Variants in HMCN1 observed in about 807,000 individuals in gnomAD.
HMCN1 encodes hemicentin 1, also known as hemicentin-1.
In HMCN1, 321 loss-of-function variants were observed where a neutral mutation model predicts 625.9. The ratio of observed to expected loss-of-function variants is 0.51; its 90% CI spans 0.47 to 0.56. The LOEUF is 0.56. Among genes scored for constraint, HMCN1 ranks in the 20% least tolerant of loss-of-function variants. HMCN1 has a pLI of 0.00. For synonymous variants in HMCN1, 2,425 were observed against 2,417.6 expected, an observed-to-expected ratio of 1.00 and a Z score of -0.09; for missense variants, 6,588 against 6,887.3, an observed-to-expected ratio of 0.96 and a Z score of 1.54.
chr1:186,041,067 G>A lies in HMCN1; in HGVS notation c.6235G>A (p.Gly2079Arg), dbSNP rs1571763590. The A allele has an allele frequency of 6.2e-7, 1 of 1,613,062 alleles. No individual in the cohort carries two copies. Among genetic ancestry groups the A allele is most frequent in the South Asian group, 1.1e-5 (1 of 91,066 alleles). The change falls in exon 40 of 107, where the codon GGA (glycine) becomes AGA (arginine). Residue 2079 changes from glycine (G) to arginine (R), a missense_variant. Coordinates refer to ENST00000271588, the MANE Select transcript of HMCN1 (RefSeq NM_031935.3). Reference protein sequence around the residue: ...ALTSAQISDTGRYTCVAVNAA... With the variant: ...ALTSAQISDTRRYTCVAVNAA... Reference sequence around the variant, plus strand: ...GACCAGTGCACAAATCAGCGACACAGGAAGGTACACCTGCGTGGCAGTGAA... The same window carrying A: ...GACCAGTGCACAAATCAGCGACACAAGAAGGTACACCTGCGTGGCAGTGAA...
intron 89 of HMCN1, among the ~76,000 whole-genome samples, chr1:186,138,295 G>T (rs995306719): frequency 2.8e-4 from 42 of 152,146 alleles, no homozygotes; most frequent in African/African-American, 9.9e-4. Flanking sequence ...CCATTTCGAG[G>T]TGAGAAAAAT....
At chr1:185,929,434 T>G (rs573784608) in intron 10 of HMCN1, among the ~76,000 whole-genome samples, 3 of 152,312 alleles carry the variant, frequency 2.0e-5, no homozygotes, top group Admixed American at 6.5e-5. Context: ...CTACCATTTA[T>G]AATCAATGAT....
intron 1 of HMCN1, among the ~76,000 whole-genome samples, chr1:185,740,703 A>T (rs1571287559): frequency 7.7e-5 from 2 of 25,946 alleles, no homozygotes; most frequent in African/African-American, 1.5e-4. Flanking sequence ...GGGTAGGGGG[A>T]TGGGGTGGCG....
chr1:186,024,349 C>T (rs1654921606), intron 36 of HMCN1, among the ~76,000 whole-genome samples: 1 of 152,178 alleles, frequency 6.6e-6, no homozygotes, highest in Admixed American at 6.5e-5. Flanking sequence ...CTGTCTCCAG[C>T]ATCTGCTTAG....
intron 2 of HMCN1, among the ~76,000 whole-genome samples, chr1:185,846,496 G>T (rs1400516973): frequency 6.6e-6 from 1 of 152,138 alleles, no homozygotes; most frequent in East Asian, 1.9e-4. Flanking sequence ...GATATTCTAT[G>T]CTGCTATAAG....
chr1:185,982,177 T>C lies in HMCN1; in HGVS notation c.2663-85T>C, dbSNP rs1033015071. On this transcript the variant is annotated intron_variant, in intron 17 of 106. Transcript: ENST00000271588. The stretch of plus-strand genomic sequence containing the variant: ...AAAACTCAAACTTTTATAGCATAAC[T>C]AACAGTCTTTGGGGCCTGTGAAGTG... 17 of 1,306,344 alleles carry C rather than the reference T, an allele frequency of 1.3e-5. No homozygotes were observed. In the African/African-American group the frequency reaches 2.2e-4, roughly 17 times the overall value. 80.9% of individuals were successfully genotyped at this position (1,306,344 alleles called of 1,614,324 possible).
At chr1:185,838,099 G>A (rs1207271050) in intron 1 of HMCN1, among the ~76,000 whole-genome samples, 1 of 152,096 alleles carries the variant, frequency 6.6e-6, no homozygotes, top group East Asian at 1.9e-4. Flanking sequence ...GCATCAGAAG[G>A]TTCTTCCTCA....
chr1:185,870,569 T>C (rs1663549193), intron 4 of HMCN1, among the ~76,000 whole-genome samples: 1 of 152,120 alleles, frequency 6.6e-6, no homozygotes, highest in African/African-American at 2.4e-5. Context: ...ATTTTTTAAA[T>C]TTTTGTGGGT....
chr1:185,899,399 G>A (rs538341125), intron 4 of HMCN1, among the ~76,000 whole-genome samples: 1 of 152,218 alleles, frequency 6.6e-6, no homozygotes, highest in East Asian at 1.9e-4. Context: ...AAATGCCATA[G>A]ACTCTTGTCA....
intron 36 of HMCN1, among the ~76,000 whole-genome samples, chr1:186,033,223 A>G (rs116713590): frequency 2.6e-5 from 4 of 152,190 alleles, no homozygotes; most frequent in African/African-American, 9.6e-5. Context: ...CATGTTCTCA[A>G]TTTTAAGTAG....
At chr1:185,834,433 G>A (rs1274581693) in intron 1 of HMCN1, among the ~76,000 whole-genome samples, 1 of 152,148 alleles carries the variant, frequency 6.6e-6, no homozygotes, top group East Asian at 1.9e-4. Flanking sequence ...AGTTCCTCTT[G>A]AGCTATTGGA....
At chr1:186,096,813 C>A (rs181039263) in intron 68 of HMCN1, among the ~76,000 whole-genome samples, 1 of 151,896 alleles carries the variant, frequency 6.6e-6, no homozygotes, top group Non-Finnish European at 1.5e-5. Context: ...TCAATAGATG[C>A]GAAAAAAGCA....
At chr1:185,825,392 A>G (rs570418400) in intron 1 of HMCN1, among the ~76,000 whole-genome samples, 1 of 152,296 alleles carries the variant, frequency 6.6e-6, no homozygotes, top group East Asian at 1.9e-4. Context: ...GAAAGAAGGA[A>G]TGATTTGTGC....
At position 185,963,754 on chromosome 1, in the gene HMCN1, T is replaced by G. The variant is rs1650198289; in HGVS notation, c.1971-14T>G. ...CATTTTCAATTTTATATTCTTTTTGTTTTTTATTCATAGGTATAGGATGAC... is the reference window on the plus strand; with the variant it reads ...CATTTTCAATTTTATATTCTTTTTGGTTTTTATTCATAGGTATAGGATGAC... On this transcript the variant is annotated splice_polypyrimidine_tract_variant and intron_variant, in intron 12 of 106. Transcript: ENST00000271588. The G allele has an allele frequency of 6.4e-7, 1 of 1,571,868 alleles. No individual in the cohort carries two copies. The highest frequency in any genetic ancestry group is 2.2e-5 in the East Asian group (1 of 44,548).
At chr1:185,948,604 A>G (rs1003650661) in intron 11 of HMCN1, among the ~76,000 whole-genome samples, 5 of 151,330 alleles carry the variant, frequency 3.3e-5, no homozygotes, top group African/African-American at 1.2e-4. Flanking sequence ...GTGGAATGTC[A>G]TCAGTTAAGG....
chr1:185,865,032 A>G (rs1194777828), intron 3 of HMCN1, among the ~76,000 whole-genome samples: 1 of 152,228 alleles, frequency 6.6e-6, no homozygotes, highest in African/African-American at 2.4e-5. Flanking sequence ...TCAATGGTCT[A>G]AAACAATAAG....
At chr1:186,021,382 T>C (rs1453983685) in intron 35 of HMCN1, among the ~76,000 whole-genome samples, 1 of 152,048 alleles carries the variant, frequency 6.6e-6, no homozygotes, top group South Asian at 2.1e-4. Flanking sequence ...CTAGTGGAGA[T>C]GTCAGTAGAT....
In HMCN1 at chr1:186,023,178, A is replaced by G. The variant is rs750243644; in HGVS notation, c.5749+25A>G. On this transcript the variant is annotated intron_variant, in intron 36 of 106. Coordinates refer to ENST00000271588, the MANE Select transcript of HMCN1 (RefSeq NM_031935.3). ...GGTAATGTAATTTCTACACCTTAAC[A>G]AAAGAATATTTGTATCACTTTTTAA... The G allele has an allele frequency of 1.0e-5, 16 of 1,603,920 alleles. No homozygotes were observed. The South Asian group carries it at 1.4e-4, about 14-fold the overall frequency.
chr1:185,850,249 C>T (rs908913662), intron 2 of HMCN1, among the ~76,000 whole-genome samples: 1 of 152,098 alleles, frequency 6.6e-6, no homozygotes, highest in African/African-American at 2.4e-5. Context: ...ATTATTTAAA[C>T]TTTACTTGAT....
Sources: allele counts gnomAD v4.1 joint callset (sites outside exome capture counted in the v4.1 genomes callset), GRCh38; gene constraint gnomAD v4.1.1; transcripts MANE v1.5; gene names NCBI Gene and HGNC (gene_info 2026-07-23, HGNC 2026-07-21).